Variants in WDR90 observed in about 807,000 individuals in gnomAD.
The protein encoded by WDR90 is WD repeat domain 90.
A neutral mutation model predicts 195.2 loss-of-function variants in WDR90; 238 were observed. The ratio of observed to expected loss-of-function variants is 1.22; its 90% CI spans 1.10 to 1.36. The LOEUF is 1.36. WDR90 is among the 40% of genes most tolerant of loss of function. The pLI is 0.00. For synonymous variants in WDR90, 1,265 were observed against 1,052.4 expected (o/e 1.20, Z -3.91); for missense variants, 2,734 against 2,439.5 (o/e 1.12, Z -2.54).
At chr16:656,228 CG>C in intron 17 of WDR90, 73 bp from the exon 18 acceptor site, 3 of 1,387,584 alleles carry the variant, frequency 2.2e-6, no homozygotes, top group Admixed American at 1.9e-5. Context: ...GCTGGGGTGT[CG>C]GGGACCCGAA....
At chr16:666,862 C>T in intron 39 of WDR90, 43 bp from the exon 40 acceptor site, 3 of 1,612,914 alleles carry the variant, frequency 1.9e-6, no homozygotes, top group South Asian at 2.2e-5. Context: ...CCTGGCTGAG[C>T]CCTGAGCCCA....
chr16:666,926 C>A lies in WDR90; in HGVS notation c.5026C>A (p.Pro1676Thr), dbSNP rs2038088364. The change falls in exon 40 of 41, where the codon CCC (proline) becomes ACC (threonine). Residue 1676 changes from proline to threonine, a missense_variant. Coordinates refer to ENST00000293879, the MANE Select transcript of WDR90 (RefSeq NM_145294.5). ...QKQVVEKIPLPFFAMSLSLSP... is the reference protein window; with the variant it reads ...QKQVVEKIPLTFFAMSLSLSP... ...ACAGGTGGTGGAGAAGATACCACTG[C>A]CCTTTTTTGCCATGTCCCTGAGCCT... 1.9e-6 allele frequency: 3 copies of A among 1,613,130 alleles called. No homozygotes were observed. Among genetic ancestry groups the A allele is most frequent in the Non-Finnish European group, 2.5e-6 (3 of 1,179,794 alleles).
rs777650440 is a variant in WDR90 at position 657,716 on chromosome 16, C to T, written c.2474-46C>T. 17 of 1,499,406 alleles carry T rather than the reference C, an allele frequency of 1.1e-5. No individual in the cohort carries two copies. The East Asian group carries it at 2.0e-4, about 18-fold the overall frequency. The allele number at this position is 1,499,406 out of a possible 1,614,324, so 92.9% of individuals were successfully genotyped here. On this transcript the variant is annotated intron_variant, in intron 20 of 40. Transcript: ENST00000293879. ...CCTCCTCGGGCCCTGGCCACGCGCA[C>T]CCCGGCACTCCCCACCCAGCTGACC...
At chr16:657,499 C>T (rs1171553402) in intron 20 of WDR90, 2 of 704,236 alleles carry the variant, frequency 2.8e-6, no homozygotes, top group South Asian at 2.0e-5. Context: ...CAGGCATGGG[C>T]ACCTGCCCTG....
intron 25 of WDR90, 44 bp from the exon 26 acceptor site, chr16:659,201 C>T (rs750407748): frequency 8.7e-6 from 14 of 1,610,238 alleles, no homozygotes; most frequent in Admixed American, 6.7e-5. Context: ...CCTAGTGGCC[C>T]TTCCTCTTCC....
rs1434523972 is a variant in WDR90 at position 655,839 on chromosome 16, G to A, written c.1916G>A (p.Gly639Asp). ...PAMCAVGSEDGFLRLWPLDFS... is the reference protein window; with the variant it reads ...PAMCAVGSEDDFLRLWPLDFS... Reference sequence around the variant, plus strand: ...ATGTGTGCTGTGGGCTCTGAGGACGGCTTCTTGCGGCTCTGGCCCCTGGAC... The same window carrying A: ...ATGTGTGCTGTGGGCTCTGAGGACGACTTCTTGCGGCTCTGGCCCCTGGAC... The change falls in exon 17 of 41, where the codon GGC becomes GAC. Residue 639 changes from glycine (G) to aspartate (D), a missense_variant. Coordinates refer to ENST00000293879, the MANE Select transcript of WDR90 (RefSeq NM_145294.5). 1 of 1,598,770 alleles carries A rather than the reference G, an allele frequency of 6.3e-7. No individual in the cohort carries two copies. The highest frequency in any genetic ancestry group is 8.5e-7 in the Non-Finnish European group (1 of 1,174,714).
upstream of WDR90, chr16:649,353 G>A (rs2037589463): frequency 1.5e-6 from 2 of 1,321,244 alleles, no homozygotes; most frequent in East Asian, 3.1e-5. Flanking sequence ...GTTGCCTGGC[G>A]TCGCGGGGCG....
In WDR90 at chr16:660,214, C is replaced by T. The variant is rs1010862963; in HGVS notation, c.3288+53C>T. On this transcript the variant is annotated intron_variant, in intron 27 of 40. Transcript: ENST00000293879. ...TTATCCCCAGCAAGCACAGAGGCCC[C>T]CCGCAGGGCTCCCCAGCACCTCCTC... 1.3e-5 allele frequency: 18 copies of T among 1,421,380 alleles called. No homozygotes were observed. The East Asian group carries it at 3.1e-4, about 24-fold the overall frequency. The allele number at this position is 1,421,380 out of a possible 1,614,324, so 88.0% of individuals were successfully genotyped here.
In WDR90 at chr16:667,584, C is replaced by T; in HGVS notation, c.5242C>T (p.Leu1748Phe). ...GATCCTTGTGTGGGAGGTCCCCGGC[C>T]TCTGAGATGCAGCAGGGACTGTGGT... ...NEILVWEVPG[L>F] The change falls in exon 41 of 41, where the codon CTC (leucine) becomes TTC (phenylalanine). Residue 1748 changes from leucine (L) to phenylalanine (F), a missense_variant. Transcript: ENST00000293879. 2 of 1,607,688 alleles carry T rather than the reference C, an allele frequency of 1.2e-6. No individual in the cohort carries two copies.
At position 653,514 on chromosome 16, in the gene WDR90, C is replaced by G; in HGVS notation, c.1234-11C>G. 6.2e-7 allele frequency: 1 copy of G among 1,612,918 alleles called. No individual in the cohort carries two copies. The highest frequency in any genetic ancestry group is 8.5e-7 in the Non-Finnish European group (1 of 1,179,552). ...AGCCCCTACACCCTCCCTCACCCTTCTGCCTCCTAGGTCTCCGCCCTGGCG... is the reference window on the plus strand; with the variant it reads ...AGCCCCTACACCCTCCCTCACCCTTGTGCCTCCTAGGTCTCCGCCCTGGCG... On this transcript the variant is annotated splice_polypyrimidine_tract_variant and intron_variant, in intron 11 of 40. Coordinates refer to ENST00000293879, the MANE Select transcript of WDR90 (RefSeq NM_145294.5).
chr16:658,237 GC>G lies in WDR90; in HGVS notation c.2661del (p.Met888TrpfsTer47), dbSNP rs1244235157. 3.1e-6 allele frequency: 5 copies of G among 1,612,444 alleles called. No individual in the cohort carries two copies. The highest frequency in any genetic ancestry group is 2.5e-6 in the Non-Finnish European group (3 of 1,179,896). On this transcript the variant is annotated frameshift_variant, in exon 22 of 41. Transcript: ENST00000293879. LOFTEE classifies it high-confidence loss of function. ...LDLASSRLDS[A>X]MAVCFGPAAL... ...CCTGGCCAGCAGCCGCCTGGACTCA[GC>G]CATGGCTGTGTGCTTTGGCCCTGCA...
At chr16:650,959 G>T in intron 5 of WDR90, 36 bp from the exon 6 acceptor site, 1 of 1,606,644 alleles carries the variant, frequency 6.2e-7, no homozygotes, top group South Asian at 1.1e-5. Flanking sequence ...TGGCTAAACA[G>T]CCTCCCTTGA....
At chr16:665,542 C>A in intron 34 of WDR90, 137 bp from the exon 35 acceptor site, 1 of 1,411,378 alleles carries the variant, frequency 7.1e-7, no homozygotes, top group Non-Finnish European at 9.9e-7. Flanking sequence ...TCCTTTCCGC[C>A]ATGTGGAGTT....
chr16:666,863 C>A, intron 39 of WDR90, 42 bp from the exon 40 acceptor site: 1 of 1,612,918 alleles, frequency 6.2e-7, no homozygotes, highest in Non-Finnish European at 8.5e-7. Flanking sequence ...CTGGCTGAGC[C>A]CTGAGCCCAC....
chr16:660,906 A>AGGGCGCAGCTGGGAC, intron 28 of WDR90, 145 bp from the exon 29 acceptor site: 1 of 644,766 alleles, frequency 1.6e-6, no homozygotes, highest in Non-Finnish European at 2.0e-6. Context: ...GACGCTGGGG[A>AGGGCGCAGCTGGGAC]GGGCGCAGCT....
chr16:654,971 A>G, intron 13 of WDR90, 58 bp from the exon 14 acceptor site: 2 of 1,550,530 alleles, frequency 1.3e-6, no homozygotes, highest in Admixed American at 3.4e-5. Flanking sequence ...TGGGCCTTGC[A>G]GAATCGAGGT....
At position 656,510 on chromosome 16, in the gene WDR90, C is replaced by T. The variant is rs2037757789; in HGVS notation, c.2175C>T (p.Arg725=). ...LATVSQDRTV[R]IWDLATLQQL... is the part of the protein sequence containing the mutation. ...CCGTGTCCCAGGACCGTACCGTCCG[C>T]ATCTGGGACCTGGCCACCCTGCAGC... Residue 725 remains arginine (R), a synonymous_variant, in exon 18 of 41, where the codon CGC becomes CGT. Coordinates refer to ENST00000293879, the MANE Select transcript of WDR90 (RefSeq NM_145294.5). 6.4e-7 allele frequency: 1 copy of T among 1,574,090 alleles called. No homozygotes were observed.
rs748687934 is a variant in WDR90 at position 666,441 on chromosome 16, C to T, written c.4741-14C>T. On this transcript the variant is annotated splice_polypyrimidine_tract_variant and intron_variant, in intron 37 of 40. Coordinates refer to ENST00000293879, the MANE Select transcript of WDR90 (RefSeq NM_145294.5). ...CAGAAGGCACCTGTCGGCCCTCACC[C>T]ACTCCATTCCCAGTGTGAAGACTTA... 5.6e-6 allele frequency: 9 copies of T among 1,609,072 alleles called. No homozygotes were observed. In the Admixed American group the frequency reaches 6.7e-5, roughly 12 times the overall value.
intron 34 of WDR90, 38 bp downstream of exon 34, chr16:662,882 G>A (rs1163399787): frequency 1.0e-5 from 16 of 1,536,438 alleles, no homozygotes; most frequent in Admixed American, 3.9e-5. Flanking sequence ...CGGGGCAGCC[G>A]AACCTGGTGC....
Sources: gnomAD v4.1 joint callset for allele counts on GRCh38, gnomAD v4.1.1 for gene constraint, MANE v1.5 for transcripts, NCBI Gene and HGNC (gene_info 2026-07-23, HGNC 2026-07-21) for gene names.